The following ZNF622 variants were observed in gnomAD, a reference collection of about 807,000 sequenced individuals.
ZNF622 encodes the protein cytoplasmic 60S subunit biogenesis factor ZNF622.
Under a neutral mutation model 49.7 loss-of-function variants are expected in ZNF622, and 34 were observed. The observed-to-expected ratio is 0.68, with a 90% CI of 0.52 to 0.91. The LOEUF (loss-of-function observed/expected upper bound fraction) is 0.91. ZNF622 is among the 40% of genes least tolerant of loss of function. The pLI is 0.00. For missense variants in ZNF622, 569 were observed against 616.4 expected, an observed-to-expected ratio of 0.92 and a Z score of 0.81; for synonymous variants, 209 against 228.7, an observed-to-expected ratio of 0.91 and a Z score of 0.78.
rs903258966 is a variant in ZNF622 at position 16,465,766 on chromosome 5, G to A, written c.-101C>T. On this transcript the variant is annotated 5_prime_UTR_variant, in exon 1 of 6. Transcript: ENST00000308683. This position sits in a 1 kb window ranked among gnomAD's most constrained non-coding sequence, Gnocchi z 6.2. ...CTTAACCCGCCTCAGCAGCCAGGAAGAGCCACTCGACACGCCGACTTCCTG... is the reference window on the plus strand; with the variant it reads ...CTTAACCCGCCTCAGCAGCCAGGAAAAGCCACTCGACACGCCGACTTCCTG... The A allele has an allele frequency of 6.2e-6, 9 of 1,457,090 alleles. No individual in the cohort carries two copies. The highest frequency in any genetic ancestry group is 2.8e-5 in the African/African-American group (2 of 70,398). 90.3% of individuals were successfully genotyped at this position (1,457,090 alleles called of 1,614,324 possible).
intron 4 of ZNF622, among the ~76,000 whole-genome samples, chr5:16,457,668 G>A (rs1324976539): frequency 1.3e-5 from 2 of 152,112 alleles, no homozygotes; most frequent in South Asian, 2.1e-4. Flanking sequence ...GCTTCATTGC[G>A]GACCTCTCCA....
At chr5:16,461,797 G>A (rs756577683) in intron 3 of ZNF622, among the ~76,000 whole-genome samples, 9 of 152,170 alleles carry the variant, frequency 5.9e-5, no homozygotes, top group Non-Finnish European at 8.8e-5. Flanking sequence ...TTACAGCTGA[G>A]GGGAAGGCTA....
chr5:16,458,724 T>C (rs1444677710), intron 3 of ZNF622, 95 bp from the exon 4 acceptor site: 1 of 839,102 alleles, frequency 1.2e-6, no homozygotes, highest in South Asian at 1.9e-5. Context: ...CTTCCTAAGC[T>C]ACCTAAAAGG....
chr5:16,454,478 A>G (rs1737989550), intron 4 of ZNF622, among the ~76,000 whole-genome samples: 1 of 104,106 alleles, frequency 9.6e-6, no homozygotes, highest in African/African-American at 3.9e-5. Context: ...ACACAGCAAG[A>G]CTCCGTCTCC....
Position 16,451,551 on chromosome 5 carries a change from G to C in ZNF622, c.*106C>G. ...CTAACTTTTATTATTAGGTCAGAAC[G>C]AATGAAGTAGCAGCAAAAGGGTCTC... On this transcript the variant is annotated 3_prime_UTR_variant, in exon 6 of 6. Coordinates refer to ENST00000308683, the MANE Select transcript of ZNF622 (RefSeq NM_033414.3). The C allele has an allele frequency of 7.0e-7, 1 of 1,433,480 alleles. No homozygotes were observed. The allele number at this position is 1,433,480 out of a possible 1,614,324, so 88.8% of individuals were successfully genotyped here.
intron 4 of ZNF622, 58 bp downstream of exon 4, chr5:16,458,459 A>G: frequency 8.7e-7 from 1 of 1,149,338 alleles, no homozygotes; most frequent in Non-Finnish European, 1.3e-6. Flanking sequence ...TGATGGAGAT[A>G]TGCTTCTCCC....
chr5:16,452,768 T>C (rs1240586433), intron 5 of ZNF622, among the ~76,000 whole-genome samples: 2 of 152,244 alleles, frequency 1.3e-5, no homozygotes, highest in Non-Finnish European at 1.5e-5. Context: ...TTTGTAACTA[T>C]TATCTTCTGA....
chr5:16,452,874 T>C (rs990563854), intron 5 of ZNF622, 139 bp downstream of exon 5: 1 of 874,862 alleles, frequency 1.1e-6, no homozygotes, highest in Non-Finnish European at 1.5e-6. Flanking sequence ...CAAGTGGTAA[T>C]GGAAGTCCCT....
In ZNF622 at chr5:16,463,045, A is replaced by T; in HGVS notation, c.1049+63T>A. On this transcript the variant is annotated intron_variant, in intron 3 of 5. Coordinates refer to ENST00000308683, the MANE Select transcript of ZNF622 (RefSeq NM_033414.3). This position sits in a 1 kb window ranked among gnomAD's most constrained non-coding sequence, Gnocchi z 4.2. Reference sequence around the variant, plus strand: ...TGCCAAACATATCCAGCACTGGCACACCTAATAATCACTTCAAAGCAAATA... The same window carrying T: ...TGCCAAACATATCCAGCACTGGCACTCCTAATAATCACTTCAAAGCAAATA... The T allele has an allele frequency of 2.0e-6, 3 of 1,535,112 alleles. No homozygotes were observed. In the East Asian group the frequency reaches 6.8e-5, roughly 35 times the overall value.
At chr5:16,452,262 C>T (rs1417501215) in intron 5 of ZNF622, among the ~76,000 whole-genome samples, 1 of 152,116 alleles carries the variant, frequency 6.6e-6, no homozygotes, top group Non-Finnish European at 1.5e-5. Context: ...AGAAGGCAGC[C>T]CGCCTCTTAT....
At position 16,465,770 on chromosome 5, in the gene ZNF622, C is replaced by T; in HGVS notation, c.-105G>A. 1 of 1,424,244 alleles carries T rather than the reference C, an allele frequency of 7.0e-7. No homozygotes were observed. The highest frequency in any genetic ancestry group is 9.4e-7 in the Non-Finnish European group (1 of 1,059,012). 88.2% of individuals were successfully genotyped at this position (1,424,244 alleles called of 1,614,324 possible). ...ACCCGCCTCAGCAGCCAGGAAGAGC[C>T]ACTCGACACGCCGACTTCCTGATTG... is the stretch of plus-strand genomic sequence containing the variant. On this transcript the variant is annotated 5_prime_UTR_variant, in exon 1 of 6. Coordinates refer to ENST00000308683, the MANE Select transcript of ZNF622 (RefSeq NM_033414.3). The surrounding 1 kb of genome is among the most constrained non-coding windows in gnomAD (Gnocchi z 6.2).
At chr5:16,451,865 C>T in intron 5 of ZNF622, 81 bp from the exon 6 acceptor site, 1 of 1,532,012 alleles carries the variant, frequency 6.5e-7, no homozygotes. Flanking sequence ...GCAGAGAATT[C>T]AAAAGGTTAG....
At chr5:16,459,076 G>A (rs746096835) in intron 3 of ZNF622, among the ~76,000 whole-genome samples, 21 of 152,342 alleles carry the variant, frequency 1.4e-4, no homozygotes, top group Non-Finnish European at 2.9e-4. Flanking sequence ...TAGTCTGACT[G>A]AAGAACTGAA....
rs776858913 is a variant in ZNF622 at position 16,465,567 on chromosome 5, C to T, written c.99G>A (p.Arg33=). ...YKTDWHRYNL[R]RKVASMAPVT... is the part of the protein sequence containing the mutation. Reference sequence around the variant, plus strand: ...CTGGGGCCATGCTGGCCACCTTCCGCCGCAGGTTGTAGCGGTGCCAGTCCG... The same window carrying T: ...CTGGGGCCATGCTGGCCACCTTCCGTCGCAGGTTGTAGCGGTGCCAGTCCG... The change falls in exon 1 of 6, where the codon CGG becomes CGA. Residue 33 remains arginine, a synonymous_variant. Coordinates refer to ENST00000308683, the MANE Select transcript of ZNF622 (RefSeq NM_033414.3). This position sits in a 1 kb window ranked among gnomAD's most constrained non-coding sequence, Gnocchi z 6.2. 4.2e-5 allele frequency: 68 copies of T among 1,613,624 alleles called. No individual in the cohort carries two copies. The highest frequency in any genetic ancestry group is 4.9e-5 in the Non-Finnish European group (58 of 1,179,842).
chr5:16,459,985 A>G (rs902147391), intron 3 of ZNF622, among the ~76,000 whole-genome samples: 22 of 152,170 alleles, frequency 1.4e-4, no homozygotes, highest in African/African-American at 5.3e-4. Context: ...CTGAATCATG[A>G]TATCACAAGT....
At position 16,459,284 on chromosome 5, in the gene ZNF622, A is replaced by G. The variant is rs569310983; in HGVS notation, c.1050-655T>C. ...TATTAACAGTAAACCAGACAACCTA[A>G]TAAGAAAATAGACAAAATGCTTGAT... On this transcript the variant is annotated intron_variant, in intron 3 of 5. Coordinates refer to ENST00000308683, the MANE Select transcript of ZNF622 (RefSeq NM_033414.3). 5.3e-5 allele frequency among the ~76,000 whole-genome samples: 8 copies of G among 152,326 alleles called. No individual in the cohort carries two copies. In the East Asian group the frequency reaches 1.4e-3, roughly 26 times the overall value.
In ZNF622 at chr5:16,463,741, A is replaced by G. The variant is rs768921496; in HGVS notation, c.627T>C (p.Asp209=). 3.1e-6 allele frequency: 5 copies of G among 1,609,744 alleles called. No individual in the cohort carries two copies. Among genetic ancestry groups the G allele is most frequent in the Non-Finnish European group, 4.2e-6 (5 of 1,177,752 alleles). The change falls in exon 2 of 6, where the codon GAT becomes GAC. Residue 209 remains aspartate, a splice_region_variant and synonymous_variant. Coordinates refer to ENST00000308683, the MANE Select transcript of ZNF622 (RefSeq NM_033414.3). This position sits in a 1 kb window ranked among gnomAD's most constrained non-coding sequence, Gnocchi z 4.2. ...EEEEEDLDGD[D]WEDIDSDEEL... The stretch of plus-strand genomic sequence containing the variant: ...CTTCATCAGAATCAATATCTTCCCA[A>G]TCTGCAAGCCAGAATTTTGAAATAT...
chr5:16,465,662 C>T lies in ZNF622; in HGVS notation c.4G>A (p.Ala2Thr). 6.4e-7 allele frequency: 1 copy of T among 1,562,840 alleles called. No individual in the cohort carries two copies. The highest frequency in any genetic ancestry group is 1.9e-5 in the Admixed American group (1 of 52,128). M[A>T]TYTCITCRVA... is the part of the protein sequence containing the mutation. ...CGGCAAGTTATGCAGGTGTACGTCG[C>T]CATTGCCAGGCGAGAAATAAGAACC... Residue 2 changes from alanine (A) to threonine (T), a missense_variant, in exon 1 of 6, where the codon GCG (alanine) becomes ACG (threonine). By Grantham distance (58) the Ala-to-Thr change is moderately conservative (BLOSUM62 0). Coordinates refer to ENST00000308683, the MANE Select transcript of ZNF622 (RefSeq NM_033414.3). This position sits in a 1 kb window ranked among gnomAD's most constrained non-coding sequence, Gnocchi z 6.2.
In ZNF622 at chr5:16,463,100, A is replaced by G. The variant is rs1291286501; in HGVS notation, c.1049+8T>C. The G allele has an allele frequency of 1.3e-6, 2 of 1,597,766 alleles. No homozygotes were observed. Among genetic ancestry groups the G allele is most frequent in the African/African-American group, 2.7e-5 (2 of 73,760 alleles). ...CTCACTTTACTTCATATTACAAACT[A>G]TGCTTACCTAAAATCATAGAAGTCT... On this transcript the variant is annotated splice_region_variant and intron_variant, in intron 3 of 5. Transcript: ENST00000308683. The surrounding 1 kb of genome is among the most constrained non-coding windows in gnomAD (Gnocchi z 4.2).
Sources: allele counts gnomAD v4.1 joint callset (sites outside exome capture counted in the v4.1 genomes callset), GRCh38; gene constraint gnomAD v4.1.1; non-coding constraint Gnocchi (gnomAD v3.1); transcripts MANE v1.5; gene names NCBI Gene and HGNC (gene_info 2026-07-23, HGNC 2026-07-21).